Variants in NPL observed in about 807,000 individuals in gnomAD.
The protein encoded by NPL is N-acetylneuraminate lyase.
A neutral mutation model predicts 41.1 loss-of-function variants in NPL; 32 were observed. The ratio of observed to expected loss-of-function variants is 0.78; its 90% CI spans 0.59 to 1.05. The LOEUF is 1.05. NPL is among the 50% of genes least tolerant of loss of function. The probability of loss-of-function intolerance (pLI) is 0.00; values close to 1 mark genes in which losing one functional copy is unlikely to be tolerated. For missense variants in NPL, 321 were observed against 378.4 expected (o/e 0.85, Z 1.26); for synonymous variants, 128 against 134.9 (o/e 0.95, Z 0.35).
chr1:182,797,428 G>T (rs954867036), intron 3 of NPL, among the ~76,000 whole-genome samples: 1 of 152,142 alleles, frequency 6.6e-6, no homozygotes. Context: ...ATTCTTTAGC[G>T]CATTAAAGTC....
intron 11 of NPL, among the ~76,000 whole-genome samples, chr1:182,823,570 T>C (rs1366412214): frequency 1.3e-5 from 2 of 152,220 alleles, no homozygotes; most frequent in African/African-American, 4.8e-5. Context: ...TTGGTTTAGA[T>C]AAGGGTGAGA....
intron 1 of NPL, among the ~76,000 whole-genome samples, chr1:182,790,329 G>A (rs1392781413): frequency 2.0e-5 from 3 of 152,136 alleles, no homozygotes; most frequent in African/African-American, 7.2e-5. Flanking sequence ...TCTTTGCACT[G>A]AGTGTTCTTA....
intron 5 of NPL, among the ~76,000 whole-genome samples, chr1:182,808,442 A>T (rs184862751): frequency 6.6e-6 from 1 of 152,196 alleles, no homozygotes; most frequent in Non-Finnish European, 1.5e-5. Flanking sequence ...CAGTTGAGTT[A>T]TAGAATGCAG....
Position 182,806,817 on chromosome 1 carries a change from G to A in NPL, c.230+585G>A, listed in dbSNP as rs550149519. Among the ~76,000 whole-genome samples the A allele has an allele frequency of 2.0e-5, 3 of 152,218 alleles. No individual in the cohort carries two copies. The South Asian group carries it at 6.2e-4, about 32-fold the overall frequency. The stretch of plus-strand genomic sequence containing the variant: ...TAGTATCAGTTCCATAGCACTTCCA[G>A]TTTAACTAAGTTTGTTTTTTTGTTT... On this transcript the variant is annotated intron_variant, in intron 5 of 12. Transcript: ENST00000367553.
chr1:182,803,597 T>C, intron 3 of NPL, 101 bp from the exon 4 acceptor site: 1 of 794,164 alleles, frequency 1.3e-6, no homozygotes, highest in Middle Eastern at 2.3e-4. Flanking sequence ...AGTGGATTTT[T>C]AATAACTATT....
chr1:182,827,611 A>AAT (rs1023821735), intron 12 of NPL, among the ~76,000 whole-genome samples: 1 of 152,016 alleles, frequency 6.6e-6, no homozygotes, highest in South Asian at 2.1e-4. Context: ...GATTTCCCTA[A>AAT]ATATATATAT....
intron 1 of NPL, among the ~76,000 whole-genome samples, chr1:182,791,732 T>C (rs928785733): frequency 1.3e-5 from 2 of 152,222 alleles, no homozygotes; most frequent in East Asian, 1.9e-4. Flanking sequence ...CCGTCCTTAG[T>C]ATCAAATAAA....
At chr1:182,814,228 CT>C (rs2102554254) in intron 6 of NPL, among the ~76,000 whole-genome samples, 1 of 152,282 alleles carries the variant, frequency 6.6e-6, no homozygotes, top group African/African-American at 2.4e-5. Flanking sequence ...GGTTTAGGTA[CT>C]TTATTTGAAA....
intron 3 of NPL, among the ~76,000 whole-genome samples, chr1:182,799,658 G>A (rs1666775482): frequency 6.7e-6 from 1 of 150,154 alleles, no homozygotes; most frequent in Non-Finnish European, 1.5e-5. Flanking sequence ...AGTTACTTGG[G>A]AGGCTGAAGT....
chr1:182,793,722 T>TTTTAGGTGAGATTCTAAGAATG (rs1310876421), intron 2 of NPL, among the ~76,000 whole-genome samples: 1 of 152,150 alleles, frequency 6.6e-6, no homozygotes, highest in Non-Finnish European at 1.5e-5. Context: ...GACAGGCTTG[T>TTTTAGGTGAGATTCTAAGAATG]TTTAGGTGAG....
At chr1:182,806,518 C>T in intron 5 of NPL, 1 of 1,536,256 alleles carries the variant, frequency 6.5e-7, no homozygotes, top group Non-Finnish European at 8.7e-7. Context: ...AGTTACCCGT[C>T]TTTGGGCTGA....
intron 2 of NPL, among the ~76,000 whole-genome samples, 160 bp from the exon 3 acceptor site, chr1:182,794,196 T>C (rs1388658036): frequency 6.6e-6 from 1 of 152,232 alleles, no homozygotes; most frequent in African/African-American, 2.4e-5. Context: ...TCCTCCTCAA[T>C]AGAATTAAGC....
At position 182,827,274 on chromosome 1, in the gene NPL, A is replaced by G. The variant is rs541061176; in HGVS notation, c.779-1450A>G. ...AAACAAATTACAGACATTTTAGAAG[A>G]TGGGGATTGGGGATTATGATGGATA... is the stretch of plus-strand genomic sequence containing the variant. On this transcript the variant is annotated intron_variant, in intron 12 of 12. Coordinates refer to ENST00000367553, the MANE Select transcript of NPL (RefSeq NM_030769.3). 9.2e-5 allele frequency among the ~76,000 whole-genome samples: 14 copies of G among 152,362 alleles called. 2 individuals are homozygous for G. In the South Asian group the frequency reaches 2.7e-3, roughly 29 times the overall value.
intron 5 of NPL, among the ~76,000 whole-genome samples, chr1:182,811,507 A>C (rs1175782302): frequency 6.6e-6 from 1 of 152,016 alleles, no homozygotes; most frequent in African/African-American, 2.4e-5. Context: ...GGGATTATAG[A>C]TATGAGCCAC....
At chr1:182,798,003 T>A (rs1358085886) in intron 3 of NPL, among the ~76,000 whole-genome samples, 3 of 152,226 alleles carry the variant, frequency 2.0e-5, no homozygotes, top group African/African-American at 4.8e-5. Flanking sequence ...AAGCAAACAC[T>A]GATTGATGCT....
intron 7 of NPL, among the ~76,000 whole-genome samples, chr1:182,815,391 G>T (rs1228208958): frequency 2.6e-5 from 4 of 151,758 alleles, no homozygotes; most frequent in Non-Finnish European, 5.9e-5. Flanking sequence ...AATCCTTTTT[G>T]ATTAGCAAAA....
rs553952592 is a variant in NPL at position 182,826,167 on chromosome 1, A to T, written c.778+347A>T. On this transcript the variant is annotated intron_variant, in intron 12 of 12. Coordinates refer to ENST00000367553, the MANE Select transcript of NPL (RefSeq NM_030769.3). ...AAGTGCTTGGAGGAAGGCAGTCTAA[A>T]TACAGATTTTACTAAATTGTGAATG... The T allele has an allele frequency of 2.0e-5, 7 of 342,830 alleles. No individual in the cohort carries two copies. The Admixed American group carries it at 2.2e-4, about 11-fold the overall frequency. 21.2% of individuals were successfully genotyped at this position (342,830 alleles called of 1,614,324 possible).
Position 182,820,738 on chromosome 1 carries a change from G to A in NPL, c.654-1377G>A, listed in dbSNP as rs551655038. ...CTGGATCTCACGAGAACTCACTATCGCGACAACAGCACAAAGGAGGATGTG... is the reference window on the plus strand; with the variant it reads ...CTGGATCTCACGAGAACTCACTATCACGACAACAGCACAAAGGAGGATGTG... On this transcript the variant is annotated intron_variant, in intron 10 of 12. Transcript: ENST00000367553. Among the ~76,000 whole-genome samples the A allele has an allele frequency of 7.9e-5, 12 of 152,180 alleles. No homozygotes were observed. The East Asian group carries it at 2.1e-3, about 27-fold the overall frequency.
At position 182,829,541 on chromosome 1, in the gene NPL, T is replaced by C; in HGVS notation, c.*633T>C. 1 of 1,524,024 alleles carries C rather than the reference T, an allele frequency of 6.6e-7. No individual in the cohort carries two copies. The highest frequency in any genetic ancestry group is 8.9e-7 in the Non-Finnish European group (1 of 1,125,438). The allele number at this position is 1,524,024 out of a possible 1,614,324, so 94.4% of individuals were successfully genotyped here. A position where few individuals can be genotyped will look rare whatever the true frequency, so the allele number is the denominator to read the frequency against. On this transcript the variant is annotated 3_prime_UTR_variant, in exon 13 of 13. Transcript: ENST00000367553. ...TATAACTAAGTAAAGGGCGGCTTTC[T>C]CATAACAAAGGAAAAAGTCTTCCCC...
Sources: gnomAD v4.1 joint callset for allele counts (sites outside exome capture counted in the v4.1 genomes callset) on GRCh38, gnomAD v4.1.1 for gene constraint, MANE v1.5 for transcripts, NCBI Gene and HGNC (gene_info 2026-07-23, HGNC 2026-07-21) for gene names.